Variants in SLC35D4 observed in about 807,000 individuals in gnomAD.
The protein encoded by SLC35D4 is solute carrier family 35 member D4, also known as UDP-N-acetylglucosamine transporter SLC35D4.
the SLC35D4 span, among the ~76,000 whole-genome samples, chr18:23,256,447 C>A: frequency 8.5e-5 from 13 of 152,172 alleles, no homozygotes; most frequent in Non-Finnish European, 1.0e-4. Context: ...GAACTTACCA[C>A]GTGGTTTTTA....
At chr18:23,425,493 G>C in the SLC35D4 span, among the ~76,000 whole-genome samples, 1 of 152,170 alleles carries the variant, frequency 6.6e-6, no homozygotes, top group Non-Finnish European at 1.5e-5. Context: ...AACTGAAAGA[G>C]CATTGAATAC....
At chr18:23,243,468 G>GTTTTTTTTTTTTTTTTTT in the SLC35D4 span, among the ~76,000 whole-genome samples, 1 of 101,876 alleles carries the variant, frequency 9.8e-6, no homozygotes, top group African/African-American at 3.6e-5. Flanking sequence ...TGGGTTTGGT[G>GTTTTTTTTTTTTTTTTTT]TTTTTTTTTT....
At chr18:23,304,129 T>C in the SLC35D4 span, among the ~76,000 whole-genome samples, 1 of 150,188 alleles carries the variant, frequency 6.7e-6, no homozygotes, top group South Asian at 2.1e-4. Context: ...TACAAAAAAT[T>C]AGCCAGGCAC....
chr18:23,385,019 AGAT>A, the SLC35D4 span: 20 of 1,613,760 alleles, frequency 1.2e-5, 1 homozygote, highest in South Asian at 2.2e-5. Context: ...TGGTACCCAC[AGAT>A]GATAACTTCA....
the SLC35D4 span, chr18:23,258,257 C>G: frequency 6.6e-6 from 1 of 152,640 alleles, no homozygotes; most frequent in African/African-American, 2.4e-5. Context: ...CGGCGCCCCA[C>G]AGTGTGTATT....
chr18:23,420,093 C>T, the SLC35D4 span, among the ~76,000 whole-genome samples: 5 of 152,012 alleles, frequency 3.3e-5, no homozygotes, highest in African/African-American at 1.2e-4. Context: ...CACCTGAGGT[C>T]GGGAGTTCAA....
the SLC35D4 span, among the ~76,000 whole-genome samples, chr18:23,282,218 A>C: frequency 6.6e-6 from 1 of 152,136 alleles, no homozygotes; most frequent in Non-Finnish European, 1.5e-5. Flanking sequence ...GAAATCAATG[A>C]CTCAAATATT....
At chr18:23,426,926 C>A in the SLC35D4 span, among the ~76,000 whole-genome samples, 1 of 152,122 alleles carries the variant, frequency 6.6e-6, no homozygotes, top group Non-Finnish European at 1.5e-5. Context: ...GAAAGGATTC[C>A]CTATTTAATA....
At chr18:23,354,996 T>C in the SLC35D4 span, among the ~76,000 whole-genome samples, 1 of 152,174 alleles carries the variant, frequency 6.6e-6, no homozygotes, top group Non-Finnish European at 1.5e-5. Flanking sequence ...TCCCTGTTAA[T>C]GGGGTCTTTG....
At chr18:23,309,359 A>T in the SLC35D4 span, among the ~76,000 whole-genome samples, 1 of 152,112 alleles carries the variant, frequency 6.6e-6, no homozygotes, top group Non-Finnish European at 1.5e-5. Flanking sequence ...GTTGACCAGC[A>T]GTGGCTGCCC....
the SLC35D4 span, among the ~76,000 whole-genome samples, chr18:23,286,817 CCG>C: frequency 2.6e-5 from 4 of 152,192 alleles, no homozygotes; most frequent in South Asian, 2.1e-4. Context: ...CCTTATTAGG[CCG>C]AGACACTTTA....
At chr18:23,312,088 T>C in the SLC35D4 span, among the ~76,000 whole-genome samples, 165 of 152,370 alleles carry the variant, frequency 1.1e-3, no homozygotes, top group African/African-American at 3.7e-3. Context: ...TGCCTGTTTT[T>C]ACCCGCTGTT....
chr18:23,342,592 A>C, the SLC35D4 span, among the ~76,000 whole-genome samples: 1 of 152,152 alleles, frequency 6.6e-6, no homozygotes, highest in African/African-American at 2.4e-5. Context: ...GTAGATTCTT[A>C]AGAATAGAAT....
At chr18:23,322,639 T>C in the SLC35D4 span, among the ~76,000 whole-genome samples, 1 of 152,248 alleles carries the variant, frequency 6.6e-6, no homozygotes, top group Non-Finnish European at 1.5e-5. Flanking sequence ...ATCTTTCTCT[T>C]TGGGCATTCC....
chr18:23,248,512 CTTTTTTTTT>C, the SLC35D4 span, among the ~76,000 whole-genome samples: 45 of 90,712 alleles, frequency 5.0e-4, no homozygotes, highest in Non-Finnish European at 6.6e-4. Context: ...GACCCTATGT[CTTTTTTTTT>C]TTTTTTTTTT....
the SLC35D4 span, among the ~76,000 whole-genome samples, chr18:23,429,005 G>A: frequency 6.6e-6 from 1 of 152,170 alleles, no homozygotes; most frequent in Non-Finnish European, 1.5e-5. Flanking sequence ...CCATGCTGCT[G>A]CTAAGGACAT....
At chr18:23,377,651 G>A in the SLC35D4 span, 1 of 1,578,862 alleles carries the variant, frequency 6.3e-7, no homozygotes, top group Non-Finnish European at 8.6e-7. Flanking sequence ...CTTACCTACA[G>A]ATCTTTGCAG....
At chr18:23,246,683 A>G in the SLC35D4 span, among the ~76,000 whole-genome samples, 1,041 of 151,284 alleles carry the variant, frequency 6.9e-3, 23 homozygotes, top group South Asian at 0.06. Flanking sequence ...GAGCCACCGC[A>G]CCCGGCCAGT....
At chr18:23,288,618 C>T in the SLC35D4 span, among the ~76,000 whole-genome samples, 2 of 151,774 alleles carry the variant, frequency 1.3e-5, no homozygotes, top group African/African-American at 4.8e-5. Context: ...AACTAAAATA[C>T]CTCTTGGTCT....
Sources: gnomAD v4.1 joint callset for allele counts (sites outside exome capture counted in the v4.1 genomes callset) on GRCh38, gnomAD v4.1.1 for gene constraint, MANE v1.5 for transcripts, NCBI Gene and HGNC (gene_info 2026-07-23, HGNC 2026-07-21) for gene names.